PRR14L: variants seen among roughly 807,000 people sequenced by gnomAD.
PRR14L encodes the protein proline rich 14 like.
In PRR14L, 80 loss-of-function variants were observed where a neutral mutation model predicts 155.0. The ratio of observed to expected loss-of-function variants is 0.52; its 90% CI spans 0.43 to 0.62. The LOEUF is 0.62. PRR14L is among the 20% of genes least tolerant of loss of function. The pLI is 0.00. For synonymous variants in PRR14L, 883 were observed against 916.0 expected (o/e 0.96, Z 0.65); for missense variants, 2,469 against 2,548.0 (o/e 0.97, Z 0.67).
rs191617596 is a variant in PRR14L at position 31,737,889 on chromosome 22, C to T, written c.474+498G>A. Among the ~76,000 whole-genome samples the T allele has an allele frequency of 2.6e-3, 390 of 151,982 alleles. 1 individual carries two copies. Among genetic ancestry groups the T allele is most frequent in the African/African-American group, 8.1e-3 (334 of 41,460 alleles). ...AATTAGTTGGGTATGGTGGCTTATA[C>T]CATAATCACAGCTAATTTGGGAGGC... On this transcript the variant is annotated intron_variant, in intron 2 of 8. Coordinates refer to ENST00000327423, the MANE Select transcript of PRR14L (RefSeq NM_173566.3).
Position 31,713,861 on chromosome 22 carries a change from T to C in PRR14L, c.3978A>G (p.Thr1326=), listed in dbSNP as rs555753808. ...CTTTCACTTTAATATCTGTTTTCAC[T>C]GTCAAAGGCAAATGTCTGTCAGAGG... The part of the protein sequence containing the change: ...ENSSDRHLPL[T]VKTDIKVKGE... The change falls in exon 4 of 9, where the codon ACA becomes ACG. Residue 1326 remains threonine (T), a synonymous_variant. Transcript: ENST00000327423. The C allele has an allele frequency of 6.4e-6, 10 of 1,552,282 alleles. No individual in the cohort carries two copies. The highest frequency in any genetic ancestry group is 2.4e-5 in the East Asian group (1 of 40,920).
intron 1 of PRR14L, among the ~76,000 whole-genome samples, chr22:31,741,058 CCTGG>C (rs1221739954): frequency 6.6e-6 from 1 of 151,774 alleles, no homozygotes; most frequent in Non-Finnish European, 1.5e-5. Context: ...TCAAGACCAT[CCTGG>C]CTAACACGGT....
intron 1 of PRR14L, among the ~76,000 whole-genome samples, chr22:31,745,907 A>T (rs2074835684): frequency 6.6e-6 from 1 of 151,064 alleles, no homozygotes. Context: ...TACCTTGGAC[A>T]ATAGGATCAC....
intron 2 of PRR14L, among the ~76,000 whole-genome samples, chr22:31,731,737 C>T (rs1188448420): frequency 6.6e-6 from 1 of 152,006 alleles, no homozygotes; most frequent in Non-Finnish European, 1.5e-5. Flanking sequence ...CACATATAGG[C>T]ATTTTGTTTA....
chr22:31,728,874 T>TTA lies in PRR14L; in HGVS notation c.475-3266_475-3265dup, dbSNP rs975694011. On this transcript the variant is annotated intron_variant, in intron 2 of 8. Transcript: ENST00000327423. ...TGTAAAAAGTTTAACACTCTATAGC[T>TTA]TATATGTAAGCACCAAAAAAACAAA... 4.6e-5 allele frequency among the ~76,000 whole-genome samples: 7 copies of TTA among 152,280 alleles called. No individual in the cohort carries two copies. The East Asian group carries it at 1.2e-3, about 25-fold the overall frequency.
Position 31,714,020 on chromosome 22 carries a change from A to G in PRR14L, c.3819T>C (p.Asn1273=), listed in dbSNP as rs774098878. The change falls in exon 4 of 9, where the codon AAT becomes AAC. Residue 1273 remains asparagine (N), a synonymous_variant. Coordinates refer to ENST00000327423, the MANE Select transcript of PRR14L (RefSeq NM_173566.3). Reference sequence around the variant, plus strand: ...CAGGAAGGACTGTGCAGTCCTTTACATTTTCACAAAGCATTTCACCATCTT... The same window carrying G: ...CAGGAAGGACTGTGCAGTCCTTTACGTTTTCACAAAGCATTTCACCATCTT... ...KPKDGEMLCE[N]VKDCTVLPEM... 1.2e-5 allele frequency: 18 copies of G among 1,551,238 alleles called. No individual in the cohort carries two copies. The highest frequency in any genetic ancestry group is 1.6e-5 in the Non-Finnish European group (18 of 1,146,892).
In PRR14L at chr22:31,738,594, AGG is replaced by A. The variant is rs2074795854; in HGVS notation, c.265_266del (p.Pro89TrpfsTer21). 1.3e-6 allele frequency: 2 copies of A among 1,552,040 alleles called. No individual in the cohort carries two copies. Among genetic ancestry groups the A allele is most frequent in the Non-Finnish European group, 1.7e-6 (2 of 1,147,086 alleles). On this transcript the variant is annotated frameshift_variant, in exon 2 of 9. Coordinates refer to ENST00000327423, the MANE Select transcript of PRR14L (RefSeq NM_173566.3). LOFTEE classifies it high-confidence loss of function. The part of the protein sequence containing the change: ...TYETLDHGSE[P>X]GRCGLVDSTA... The stretch of plus-strand genomic sequence containing the variant: ...TGGAGTCCACTAGCCCACATCGCCC[AGG>A]CTCACTCCCATGATCCAAGGTCTCA...
At chr22:31,707,441 C>T (rs889358421) in intron 4 of PRR14L, among the ~76,000 whole-genome samples, 1 of 152,076 alleles carries the variant, frequency 6.6e-6, no homozygotes, top group Non-Finnish European at 1.5e-5. Context: ...AGTGCAGTGG[C>T]GTGATCTCGG....
chr22:31,747,681 C>A (rs918356762), intron 1 of PRR14L, among the ~76,000 whole-genome samples: 4 of 151,768 alleles, frequency 2.6e-5, no homozygotes, highest in Non-Finnish European at 5.9e-5. Flanking sequence ...AGAGCTCCCA[C>A]TAATCCCCTC....
chr22:31,711,090 G>C (rs531223063), intron 4 of PRR14L, among the ~76,000 whole-genome samples: 1 of 152,292 alleles, frequency 6.6e-6, no homozygotes, highest in South Asian at 2.1e-4. Context: ...CTTTGTGAAG[G>C]AGATAATGTT....
At chr22:31,741,829 G>A (rs764401707) in intron 1 of PRR14L, among the ~76,000 whole-genome samples, 2 of 152,176 alleles carry the variant, frequency 1.3e-5, no homozygotes, top group Non-Finnish European at 2.9e-5. Flanking sequence ...CCAAGATCAC[G>A]CTACTGCACT....
At chr22:31,727,031 T>TA (rs2074719882) in intron 2 of PRR14L, among the ~76,000 whole-genome samples, 1 of 152,142 alleles carries the variant, frequency 6.6e-6, no homozygotes, top group South Asian at 2.1e-4. Flanking sequence ...GCCAGTGACA[T>TA]ACAGGCTCCT....
chr22:31,742,571 T>G (rs1471317909), intron 1 of PRR14L, among the ~76,000 whole-genome samples: 2 of 152,152 alleles, frequency 1.3e-5, no homozygotes, highest in Non-Finnish European at 2.9e-5. Flanking sequence ...TTCACCATGT[T>G]GGCCAGGCTG....
chr22:31,688,901 T>TACACACACACACACACACACACACAC (rs149232375), intron 7 of PRR14L, among the ~76,000 whole-genome samples: 5 of 147,768 alleles, frequency 3.4e-5, no homozygotes, highest in African/African-American at 1.2e-4. Flanking sequence ...AATATATACA[T>TACACACACACACACACACACACACAC]ACACACACAC....
At chr22:31,741,097 C>A (rs983851334) in intron 1 of PRR14L, among the ~76,000 whole-genome samples, 2 of 151,640 alleles carry the variant, frequency 1.3e-5, no homozygotes, top group Non-Finnish European at 2.9e-5. Flanking sequence ...ACTAAAAATA[C>A]AAAAAATTAG....
At chr22:31,726,406 C>T (rs1177898284) in intron 2 of PRR14L, among the ~76,000 whole-genome samples, 1 of 151,946 alleles carries the variant, frequency 6.6e-6, no homozygotes, top group Non-Finnish European at 1.5e-5. Context: ...ACTGGGACTA[C>T]ATGCGTGATC....
chr22:31,739,640 A>C (rs995360950), intron 1 of PRR14L, among the ~76,000 whole-genome samples: 7 of 152,216 alleles, frequency 4.6e-5, no homozygotes, highest in African/African-American at 1.7e-4. Context: ...TTAGATCCTA[A>C]CACCACACCT....
chr22:31,691,120 C>T (rs538160770), intron 7 of PRR14L, among the ~76,000 whole-genome samples: 10 of 151,678 alleles, frequency 6.6e-5, no homozygotes, highest in African/African-American at 2.2e-4. Flanking sequence ...CCTACCACCA[C>T]GCGCGGCTAA....
At chr22:31,720,400 T>C (rs1339519339) in intron 3 of PRR14L, among the ~76,000 whole-genome samples, 1 of 152,172 alleles carries the variant, frequency 6.6e-6, no homozygotes, top group Non-Finnish European at 1.5e-5. Context: ...TTAGCCTGCT[T>C]TCCCTATTAC....
Sources: gnomAD v4.1 joint callset for allele counts (sites outside exome capture counted in the v4.1 genomes callset) on GRCh38, gnomAD v4.1.1 for gene constraint, MANE v1.5 for transcripts, NCBI Gene and HGNC (gene_info 2026-07-23, HGNC 2026-07-21) for gene names.